The following PPFIA3 variants were observed in gnomAD, a reference collection of about 807,000 sequenced individuals.
The protein encoded by PPFIA3 is liprin-alpha-3.
Under a neutral mutation model 145.8 loss-of-function variants are expected in PPFIA3, and 26 were observed. That is an observed-to-expected ratio of 0.18 (90% confidence interval 0.13 to 0.25). The LOEUF (loss-of-function observed/expected upper bound fraction) is 0.25, where lower values mean the gene tolerates loss of function less well. PPFIA3 is among the 10% of genes least tolerant of loss of function. The pLI is 1.00. For synonymous variants in PPFIA3, 645 were observed against 661.4 expected (o/e 0.98, Z 0.38); for missense variants, 1,008 against 1,587.8 (o/e 0.63, Z 6.21).
At chr19:49,141,329 G>C in intron 18 of PPFIA3, 91 bp from the exon 19 acceptor site, 1 of 961,960 alleles carries the variant, frequency 1.0e-6, no homozygotes, top group South Asian at 1.4e-5. Context: ...CAGGGCCTCT[G>C]CCTTTCCGGC....
At position 49,128,032 on chromosome 19, in the gene PPFIA3, G is replaced by A. The variant is rs1455226351; in HGVS notation, c.159G>A (p.Leu53=). 1 of 1,596,698 alleles carries A rather than the reference G, an allele frequency of 6.3e-7. No homozygotes were observed. Among genetic ancestry groups the A allele is most frequent in the South Asian group, 1.1e-5 (1 of 91,012 alleles). Residue 53 remains leucine (L), a synonymous_variant, in exon 2 of 30, where the codon TTG becomes TTA. Coordinates refer to ENST00000334186, the MANE Select transcript of PPFIA3 (RefSeq NM_003660.4). This position sits in a 1 kb window ranked among gnomAD's most constrained non-coding sequence, Gnocchi z 4.1. ...CGCTGCGCGAGGCACAGGACGGGTT[G>A]GCTACAGCGCAGCTGCGGCTGCGCG... ...LETLREAQDG[L]ATAQLRLREL...
At chr19:49,143,864 TAA>T (rs752935993) in intron 21 of PPFIA3, among the ~76,000 whole-genome samples, 2 of 152,160 alleles carry the variant, frequency 1.3e-5, no homozygotes, top group African/African-American at 2.4e-5. Context: ...TTTCTGATTT[TAA>T]AAAGTTTTTT....
Position 49,141,460 on chromosome 19 carries a change from G to A in PPFIA3, c.2409G>A (p.Leu803=). Residue 803 remains leucine (L), a synonymous_variant, in exon 19 of 30, where the codon CTG becomes CTA. Transcript: ENST00000334186. ...ATGAGACACTGGCCACTGACCCTCT[G>A]GGGCTAGCCAAGCTGACAGGCCCAG... ...PSDETLATDP[L]GLAKLTGPGD... 1 of 1,614,096 alleles carries A rather than the reference G, an allele frequency of 6.2e-7. No homozygotes were observed. The highest frequency in any genetic ancestry group is 8.5e-7 in the Non-Finnish European group (1 of 1,180,000).
chr19:49,147,755 TC>T (rs2041298282), intron 23 of PPFIA3, among the ~76,000 whole-genome samples: 1 of 148,098 alleles, frequency 6.8e-6, no homozygotes, highest in Non-Finnish European at 1.5e-5. Context: ...AATGTATATT[TC>T]GAATCACCTG....
chr19:49,139,715 G>A lies in PPFIA3; in HGVS notation c.2124G>A (p.Pro708=), dbSNP rs147399796. The change falls in exon 17 of 30, where the codon CCG becomes CCA. Residue 708 remains proline, a synonymous_variant. Coordinates refer to ENST00000334186, the MANE Select transcript of PPFIA3 (RefSeq NM_003660.4). ...CTGGAGCTCCACGAGGGGAGGGGCC[G>A]GCCATCCCAGGAGACACCCCACCAC... ...EEAGAPRGEG[P]AIPGDTPPPT... is the part of the protein sequence containing the mutation. 1.1e-5 allele frequency: 18 copies of A among 1,612,694 alleles called. No individual in the cohort carries two copies. The highest frequency in any genetic ancestry group is 1.6e-4 in the Middle Eastern group (1 of 6,080).
At chr19:49,141,027 C>T (rs557640880) in intron 18 of PPFIA3, among the ~76,000 whole-genome samples, 12 of 152,230 alleles carry the variant, frequency 7.9e-5, no homozygotes, top group South Asian at 4.1e-4. Flanking sequence ...TGCTGGAGCC[C>T]GCTGGCACTG....
intron 13 of PPFIA3, among the ~76,000 whole-genome samples, chr19:49,135,459 G>A (rs528821326): frequency 2.0e-5 from 3 of 152,170 alleles, no homozygotes; most frequent in East Asian, 3.9e-4. Flanking sequence ...TGCAACCTCC[G>A]CCTCCCCGGT....
At chr19:49,143,249 C>T (rs1424635298) in intron 21 of PPFIA3, among the ~76,000 whole-genome samples, 1 of 152,252 alleles carries the variant, frequency 6.6e-6, no homozygotes, top group Non-Finnish European at 1.5e-5. Context: ...TGCTGTCCCA[C>T]TCAAATGTCA....
intron 7 of PPFIA3, among the ~76,000 whole-genome samples, chr19:49,131,242 C>A (rs896289380): frequency 3.0e-5 from 4 of 133,902 alleles, no homozygotes; most frequent in African/African-American, 1.1e-4. Flanking sequence ...GATCTTGGCT[C>A]ACTGCAACCT....
intron 21 of PPFIA3, chr19:49,145,592 C>CCCG (rs1555745062): frequency 2.7e-4 from 82 of 305,540 alleles, no homozygotes; most frequent in African/African-American, 1.5e-3. Flanking sequence ...GAACCCCCCC[C>CCCG]GCCATACTCC....
At chr19:49,138,768 G>A (rs929943448) in intron 16 of PPFIA3, among the ~76,000 whole-genome samples, 2 of 152,142 alleles carry the variant, frequency 1.3e-5, no homozygotes, top group Non-Finnish European at 2.9e-5. Context: ...TCAGGAGTTC[G>A]AGACCCACCT....
At chr19:49,126,374 C>T (rs1343384311) in intron 1 of PPFIA3, among the ~76,000 whole-genome samples, 1 of 151,658 alleles carries the variant, frequency 6.6e-6, no homozygotes, top group Non-Finnish European at 1.5e-5. Flanking sequence ...TCAGCCTCCC[C>T]AGTGGCTGGG....
At position 49,133,147 on chromosome 19, in the gene PPFIA3, G is replaced by A; in HGVS notation, c.1026G>A (p.Gln342=). The change falls in exon 8 of 30, where the codon CAG becomes CAA. Residue 342 remains glutamine, a splice_region_variant and synonymous_variant. Coordinates refer to ENST00000334186, the MANE Select transcript of PPFIA3 (RefSeq NM_003660.4). The surrounding 1 kb of genome is among the most constrained non-coding windows in gnomAD (Gnocchi z 7.2). ...ELASKESLYR[Q]SEEKSRQLAE... The stretch of plus-strand genomic sequence containing the variant: ...CTAGCAAGGAGTCGTTGTATCGGCA[G>A]GTGGGGGCGCGGCCGGGAGGGGCGA... 6.3e-7 allele frequency: 1 copy of A among 1,597,188 alleles called. No homozygotes were observed. The highest frequency in any genetic ancestry group is 8.5e-7 in the Non-Finnish European group (1 of 1,170,228).
In PPFIA3 at chr19:49,133,998, T is replaced by G. The variant is rs768895196; in HGVS notation, c.1246-36T>G. On this transcript the variant is annotated intron_variant, in intron 10 of 29. Transcript: ENST00000334186. This position sits in a 1 kb window ranked among gnomAD's most constrained non-coding sequence, Gnocchi z 7.2. ...AGGAAGGGCCGTGGTCTGGGCAGGG[T>G]GGGCTTAACAACCCGCCCCGCTCTG... The G allele has an allele frequency of 5.0e-6, 8 of 1,605,138 alleles. No homozygotes were observed. The South Asian group carries it at 8.9e-5, about 18-fold the overall frequency.
In PPFIA3 at chr19:49,139,805, G is replaced by A; in HGVS notation, c.2214G>A (p.Leu738=). ...TQALALQAGS[L]EDGGPPRGSE... is the part of the protein sequence containing the mutation. ...CCTTGGCACTGCAGGCGGGGTCCCT[G>A]GAAGATGGGGGACCCCCACGGGGAA... The change falls in exon 17 of 30, where the codon CTG becomes CTA. Residue 738 remains leucine (L), a synonymous_variant. Coordinates refer to ENST00000334186, the MANE Select transcript of PPFIA3 (RefSeq NM_003660.4). 1.9e-6 allele frequency: 3 copies of A among 1,611,812 alleles called. No individual in the cohort carries two copies. The highest frequency in any genetic ancestry group is 2.5e-6 in the Non-Finnish European group (3 of 1,178,502).
intron 20 of PPFIA3, 118 bp downstream of exon 20, chr19:49,142,233 C>T: frequency 1.0e-6 from 1 of 956,154 alleles, no homozygotes; most frequent in East Asian, 2.7e-5. Context: ...TGGGGGTGGC[C>T]ATGGGCCTGG....
At chr19:49,135,468 G>A (rs571775197) in intron 13 of PPFIA3, among the ~76,000 whole-genome samples, 1 of 152,262 alleles carries the variant, frequency 6.6e-6, no homozygotes, top group Non-Finnish European at 1.5e-5. Flanking sequence ...CGCCTCCCCG[G>A]TTCAAGTGAT....
intron 1 of PPFIA3, among the ~76,000 whole-genome samples, chr19:49,123,685 C>G (rs1017989305): frequency 2.0e-5 from 3 of 151,856 alleles, no homozygotes; most frequent in African/African-American, 7.3e-5. Flanking sequence ...CAAATGATCC[C>G]CCGGGCTCAG....
Position 49,130,236 on chromosome 19 carries a change from C to A in PPFIA3, c.658-142C>A. The A allele has an allele frequency of 8.9e-7, 1 of 1,118,280 alleles. No individual in the cohort carries two copies. Among genetic ancestry groups the A allele is most frequent in the Non-Finnish European group, 1.3e-6 (1 of 793,312 alleles). The allele number at this position is 1,118,280 out of a possible 1,614,324, so 69.3% of individuals were successfully genotyped here. A position where few individuals can be genotyped will look rare whatever the true frequency, so the allele number is the denominator to read the frequency against. ...GTCACCTAGCGAACTTCTGTGACCT[C>A]CTTCACTGACCCCCGTGGACTCTGA... On this transcript the variant is annotated intron_variant, in intron 6 of 29. Coordinates refer to ENST00000334186, the MANE Select transcript of PPFIA3 (RefSeq NM_003660.4). The surrounding 1 kb of genome is among the most constrained non-coding windows in gnomAD (Gnocchi z 4.5).
Sources: gnomAD v4.1 joint callset for allele counts (sites outside exome capture counted in the v4.1 genomes callset) on GRCh38, gnomAD v4.1.1 for gene constraint, Gnocchi (gnomAD v3.1) non-coding constraint, MANE v1.5 for transcripts, NCBI Gene and HGNC (gene_info 2026-07-23, HGNC 2026-07-21) for gene names.